MTHFSD: variants seen among roughly 807,000 people sequenced by gnomAD.
The protein encoded by MTHFSD is methenyltetrahydrofolate synthetase domain containing.
MTHFSD carries 37 observed loss-of-function variants against 31.1 expected under a neutral mutation model. The observed-to-expected ratio is 1.19, with a 90% confidence interval of 0.91 to 1.56. MTHFSD has a LOEUF of 1.56. Among genes scored for constraint, MTHFSD ranks in the 40% most tolerant of loss-of-function variants. MTHFSD has a pLI of 0.00. For missense variants in MTHFSD, 664 were observed against 510.1 expected (o/e 1.30, Z -2.91); for synonymous variants, 221 against 206.9 (o/e 1.07, Z -0.59).
At chr16:86,538,974 T>G (rs1215859615) in intron 7 of MTHFSD, among the ~76,000 whole-genome samples, 2 of 152,120 alleles carry the variant, frequency 1.3e-5, no homozygotes, top group African/African-American at 4.8e-5. Context: ...CAATGTGCCT[T>G]CTAGAAAGGA....
intron 7 of MTHFSD, among the ~76,000 whole-genome samples, chr16:86,540,566 G>A (rs960628651): frequency 1.3e-5 from 2 of 152,182 alleles, no homozygotes; most frequent in African/African-American, 2.4e-5. Flanking sequence ...CAGCAGCTTC[G>A]CTGTGGCTAA....
chr16:86,552,988 C>CT (rs572158379), intron 2 of MTHFSD, among the ~76,000 whole-genome samples: 49 of 149,588 alleles, frequency 3.3e-4, no homozygotes, highest in African/African-American at 9.6e-4. Flanking sequence ...TCCGAGTAAC[C>CT]TTTTTTTTTT....
intron 6 of MTHFSD, 44 bp from the exon 7 acceptor site, chr16:86,541,866 C>A (rs773283416): frequency 6.2e-7 from 1 of 1,610,562 alleles, no homozygotes; most frequent in Non-Finnish European, 8.5e-7. Flanking sequence ...GGGAATGCCA[C>A]TGCAGTCGTG....
chr16:86,534,845 G>A (rs542126772), intron 7 of MTHFSD, among the ~76,000 whole-genome samples: 45 of 152,096 alleles, frequency 3.0e-4, no homozygotes, highest in Non-Finnish European at 6.3e-4. Context: ...GTAGGGGTTT[G>A]GGGGCAGGAT....
chr16:86,548,463 C>G lies in MTHFSD; in HGVS notation c.351+1G>C, dbSNP rs747197212. ...GTGGGGACATTGCTTCTGGTACTTA[C>G]CTGAGAGGTGGCACATTTTCTCAAG... On this transcript the variant is annotated splice_donor_variant, in intron 4 of 7. Transcript: ENST00000360900. LOFTEE classifies it high-confidence loss of function. 1 of 1,612,322 alleles carries G rather than the reference C, an allele frequency of 6.2e-7. No homozygotes were observed. The highest frequency in any genetic ancestry group is 1.1e-5 in the South Asian group (1 of 90,868).
At chr16:86,547,043 TC>T in intron 4 of MTHFSD, 2 of 562,534 alleles carry the variant, frequency 3.6e-6, no homozygotes, top group Non-Finnish European at 2.3e-6. Context: ...AGCCTCAGTT[TC>T]TTCAGCTGTA....
intron 4 of MTHFSD, chr16:86,547,968 C>T: frequency 2.6e-6 from 3 of 1,138,256 alleles, no homozygotes; most frequent in African/African-American, 1.6e-5. Flanking sequence ...TATTTGTACA[C>T]TTGGTTTTAC....
At chr16:86,538,715 C>T (rs1166555088) in intron 7 of MTHFSD, among the ~76,000 whole-genome samples, 1 of 152,192 alleles carries the variant, frequency 6.6e-6, no homozygotes, top group Non-Finnish European at 1.5e-5. Context: ...GGACGAACTG[C>T]CCAGAGGTTC....
At chr16:86,541,180 A>G (rs1428289436) in intron 7 of MTHFSD, 4 of 1,289,582 alleles carry the variant, frequency 3.1e-6, no homozygotes, top group South Asian at 2.5e-5. Flanking sequence ...CTAATTTGCA[A>G]CCTGTGCCAT....
At chr16:86,550,415 C>T (rs1278856307) in intron 3 of MTHFSD, among the ~76,000 whole-genome samples, 1 of 152,312 alleles carries the variant, frequency 6.6e-6, no homozygotes, top group Non-Finnish European at 1.5e-5. Context: ...TAAGGCTGAC[C>T]ACACGGTCAA....
In MTHFSD at chr16:86,532,232, C is replaced by A; in HGVS notation, c.931G>T (p.Gly311Trp). 1.9e-6 allele frequency: 3 copies of A among 1,571,824 alleles called. No homozygotes were observed. The highest frequency in any genetic ancestry group is 2.6e-6 in the Non-Finnish European group (3 of 1,159,952). The change falls in exon 8 of 8, where the codon GGG becomes TGG. Residue 311 changes from glycine to tryptophan, a missense_variant. Physicochemically the swap from Gly to Trp is radical, Grantham distance 184 (BLOSUM62 -2). Transcript: ENST00000360900. ...GAPLAADVYV[G>W]NLPGDARVSD... ...ACACGGGCGTCCCCGGGGAGGTTCC[C>A]AACGTAAACATCGGCTGCAAGCGGG...
intron 4 of MTHFSD, chr16:86,547,572 C>T: frequency 1.0e-6 from 1 of 988,246 alleles, no homozygotes; most frequent in South Asian, 4.6e-5. Context: ...TGACCAACTG[C>T]AAAGGAAGAG....
rs1178558455 is a variant in MTHFSD at position 86,532,122 on chromosome 16, G to C, written c.1041C>G (p.Leu347=). ...GGGCTGCGGCAGAGTCCGGGTAATG[G>C]AGGAAGGCTCTGCGCCGCGGGCCCT... ...TWQGPRRRAF[L]HYPDSAAAQQ... The change falls in exon 8 of 8, where the codon CTC becomes CTG. Residue 347 remains leucine, a synonymous_variant. Transcript: ENST00000360900. 6.4e-7 allele frequency: 1 copy of C among 1,551,962 alleles called. No homozygotes were observed. Among genetic ancestry groups the C allele is most frequent in the African/African-American group, 1.4e-5 (1 of 72,998 alleles).
At chr16:86,543,033 T>G (rs1971743256) in intron 5 of MTHFSD, among the ~76,000 whole-genome samples, 2 of 152,202 alleles carry the variant, frequency 1.3e-5, no homozygotes, top group Admixed American at 1.3e-4. Context: ...TCAAGCTACT[T>G]TGACAATTCA....
At chr16:86,545,043 C>T (rs1047715131) in intron 5 of MTHFSD, among the ~76,000 whole-genome samples, 3 of 152,162 alleles carry the variant, frequency 2.0e-5, no homozygotes, top group Non-Finnish European at 4.4e-5. Context: ...ACAACACATA[C>T]TGGGGCCTGT....
chr16:86,530,339 C>G lies in MTHFSD; in HGVS notation c.*1672G>C, dbSNP rs965214451. 6.6e-6 allele frequency: 1 copy of G among 152,258 alleles called. No homozygotes were observed. Among genetic ancestry groups the G allele is most frequent in the Non-Finnish European group, 1.5e-5 (1 of 68,056 alleles). 9.4% of individuals were successfully genotyped at this position (152,258 alleles called of 1,614,324 possible). A position where few individuals can be genotyped will look rare whatever the true frequency, so the allele number is the denominator to read the frequency against. ...GCGACAGGAAATCCCAGCAGTCTGG[C>G]TTCCCCGAGTAACCCTGTACTGCCT... On this transcript the variant is annotated 3_prime_UTR_variant, in exon 8 of 8. Transcript: ENST00000360900.
chr16:86,532,192 C>T lies in MTHFSD; in HGVS notation c.971G>A (p.Arg324Lys). 1 of 1,582,764 alleles carries T rather than the reference C, an allele frequency of 6.3e-7. No homozygotes were observed. The highest frequency in any genetic ancestry group is 8.6e-7 in the Non-Finnish European group (1 of 1,164,928). The change falls in exon 8 of 8, where the codon AGA (arginine) becomes AAA (lysine). Residue 324 changes from arginine (R) to lysine (K), a missense_variant. By Grantham distance (26) the Arg-to-Lys change is conservative. Coordinates refer to ENST00000360900, the MANE Select transcript of MTHFSD (RefSeq NM_001159377.2). The stretch of plus-strand genomic sequence containing the variant: ...CACGGAGCCGAGTTCCCGCAGGGCT[C>T]TCTTCAGGTCACTCACACGGGCGTC... ...PGDARVSDLK[R>K]ALRELGSVPL...
intron 7 of MTHFSD, among the ~76,000 whole-genome samples, chr16:86,538,413 C>T (rs1472378432): frequency 2.0e-5 from 3 of 152,148 alleles, no homozygotes; most frequent in East Asian, 1.9e-4. Context: ...CAGGTGACCA[C>T]GGGTCTCAAC....
intron 7 of MTHFSD, among the ~76,000 whole-genome samples, chr16:86,536,233 G>T (rs2143419498): frequency 6.6e-6 from 1 of 152,300 alleles, no homozygotes; most frequent in East Asian, 1.9e-4. Flanking sequence ...GACTAAATTT[G>T]GTTGTTCACT....
Sources: gnomAD v4.1 joint callset for allele counts (sites outside exome capture counted in the v4.1 genomes callset) on GRCh38, gnomAD v4.1.1 for gene constraint, MANE v1.5 for transcripts, NCBI Gene and HGNC (gene_info 2026-07-23, HGNC 2026-07-21) for gene names.